RIMS2: variants seen among roughly 807,000 people sequenced by gnomAD.
RIMS2 encodes regulating synaptic membrane exocytosis 2.
Under a neutral mutation model 174.4 loss-of-function variants are expected in RIMS2, and 59 were observed. The ratio of observed to expected loss-of-function variants is 0.34; its 90% CI spans 0.27 to 0.42. The LOEUF (loss-of-function observed/expected upper bound fraction) is 0.42. Ranked by LOEUF, RIMS2 falls within the 10% of genes least tolerant of loss-of-function variation. RIMS2 has a pLI of 1.00. For missense variants in RIMS2, 1,620 were observed against 1,666.3 expected (o/e 0.97, Z 0.48); for synonymous variants, 606 against 572.5 (o/e 1.06, Z -0.84).
intron 3 of RIMS2, among the ~76,000 whole-genome samples, chr8:103,778,643 G>A (rs1225605628): frequency 2.8e-4 from 43 of 151,972 alleles, no homozygotes; most frequent in Admixed American, 2.8e-3. Flanking sequence ...CACATTATCT[G>A]TTTATCCATT....
intron 19 of RIMS2, among the ~76,000 whole-genome samples, chr8:104,076,290 A>T (rs948702748): frequency 1.3e-5 from 2 of 150,164 alleles, no homozygotes; most frequent in African/African-American, 5.0e-5. Flanking sequence ...GAAATCATTT[A>T]TGCCCATTTT....
chr8:103,568,679 T>A (rs77507894), intron 1 of RIMS2: 52,261 of 687,126 alleles, frequency 0.076, 2,284 homozygotes, highest in Non-Finnish European at 0.087. Context: ...ATAAACAATA[T>A]GTAGCAGCTT....
intron 19 of RIMS2, among the ~76,000 whole-genome samples, chr8:104,219,237 T>A (rs1222422572): frequency 6.6e-6 from 1 of 152,194 alleles, no homozygotes; most frequent in Non-Finnish European, 1.5e-5. Flanking sequence ...TTGTCGACAT[T>A]TATTTTGGAC....
In RIMS2 at chr8:104,016,141, A is replaced by T. The variant is rs2095896989; in HGVS notation, c.3334+1526A>T. Among the ~76,000 whole-genome samples the T allele has an allele frequency of 2.0e-5, 3 of 152,038 alleles. 1 individual carries two copies. Among genetic ancestry groups the T allele is most frequent in the Non-Finnish European group, 4.4e-5 (3 of 67,952 alleles). The stretch of plus-strand genomic sequence containing the variant: ...TGAAATTAACTTTGTATCTTTAAAA[A>T]CTTGTTGACTGTTTACTTATGAATC... On this transcript the variant is annotated intron_variant, in intron 19 of 23. Coordinates refer to ENST00000504942, the Ensembl canonical transcript of RIMS2.
chr8:104,189,358 T>C (rs1054299817), intron 19 of RIMS2, among the ~76,000 whole-genome samples: 2 of 151,806 alleles, frequency 1.3e-5, no homozygotes, highest in African/African-American at 2.4e-5. Context: ...ATTAGCCCTT[T>C]GTCATCAGAA....
At chr8:104,027,376 C>A (rs2096278048) in intron 19 of RIMS2, among the ~76,000 whole-genome samples, 1 of 152,036 alleles carries the variant, frequency 6.6e-6, no homozygotes, top group African/African-American at 2.4e-5. Context: ...CTTTTGTTTC[C>A]CTTTTCTCAT....
chr8:103,910,063 G>A (rs2075351587), intron 4 of RIMS2: 2 of 900,724 alleles, frequency 2.2e-6, no homozygotes, highest in East Asian at 2.4e-5. Flanking sequence ...AGTTTAAAAT[G>A]TTTATAATGT....
chr8:104,162,944 T>C (rs921215241), intron 19 of RIMS2, among the ~76,000 whole-genome samples: 1 of 152,220 alleles, frequency 6.6e-6, no homozygotes, highest in African/African-American at 2.4e-5. Context: ...AGCTGCTGAA[T>C]GCTATTTACT....
chr8:103,690,716 T>C (rs1196906761), intron 1 of RIMS2, among the ~76,000 whole-genome samples: 4 of 152,244 alleles, frequency 2.6e-5, no homozygotes, highest in Non-Finnish European at 5.9e-5. Flanking sequence ...TTAATCTTTC[T>C]ATTCAAGATA....
intron 3 of RIMS2, among the ~76,000 whole-genome samples, chr8:103,878,206 A>C (rs1038783711): frequency 8.6e-5 from 13 of 151,816 alleles, no homozygotes; most frequent in Non-Finnish European, 1.5e-4. Context: ...TGTGATTGTA[A>C]GTTTCCTGAG....
At chr8:104,232,512 A>G (rs2099236111) in intron 19 of RIMS2, among the ~76,000 whole-genome samples, 1 of 152,240 alleles carries the variant, frequency 6.6e-6, no homozygotes, top group Non-Finnish European at 1.5e-5. Flanking sequence ...TGGATAGGTC[A>G]TAGAATCTCT....
chr8:104,192,360 G>A (rs1370805627), intron 19 of RIMS2, among the ~76,000 whole-genome samples: 3 of 151,898 alleles, frequency 2.0e-5, no homozygotes, highest in Non-Finnish European at 2.9e-5. Flanking sequence ...AGCATTTGTG[G>A]CTAAGAAATT....
At chr8:104,036,394 G>A (rs1252687786) in intron 19 of RIMS2, among the ~76,000 whole-genome samples, 1 of 151,152 alleles carries the variant, frequency 6.6e-6, no homozygotes, top group Non-Finnish European at 1.5e-5. Flanking sequence ...CTCGTGATCC[G>A]CCTGCCTCGG....
chr8:103,853,736 G>A (rs1352083801), intron 3 of RIMS2, among the ~76,000 whole-genome samples: 3 of 152,006 alleles, frequency 2.0e-5, no homozygotes, highest in East Asian at 1.9e-4. Context: ...TGTTCCATTG[G>A]TCTATGTGTT....
At chr8:103,585,911 C>T (rs1391342583) in intron 1 of RIMS2, among the ~76,000 whole-genome samples, 1 of 142,550 alleles carries the variant, frequency 7.0e-6, no homozygotes, top group Non-Finnish European at 1.5e-5. Flanking sequence ...AAAATTGCAT[C>T]AATCATTAAA....
At chr8:103,623,326 G>C (rs1047462215) in intron 1 of RIMS2, among the ~76,000 whole-genome samples, 1 of 151,876 alleles carries the variant, frequency 6.6e-6, no homozygotes, top group Non-Finnish European at 1.5e-5. Flanking sequence ...TTAAAGTACA[G>C]AACACATTTT....
In RIMS2 at chr8:104,173,613, A is replaced by ATTTTTTTTTTTTT. The variant is rs71297262; in HGVS notation, c.3335-71282_3335-71270dup. 4.1e-4 allele frequency among the ~76,000 whole-genome samples: 22 copies of ATTTTTTTTTTTTT among 54,236 alleles called. 5 individuals are homozygous for ATTTTTTTTTTTTT. Among genetic ancestry groups the ATTTTTTTTTTTTT allele is most frequent in the Middle Eastern group, 0.059 (2 of 34 alleles). The allele number at this position is 54,236 out of a possible 152,430, so 35.6% of individuals were successfully genotyped here. ...AATATTTACTACCTTAGCTCTTCTG[A>ATTTTTTTTTTTTT]TTTTTTTTTTTTTTTTTTTTTTTTT... On this transcript the variant is annotated intron_variant, in intron 19 of 23. Transcript: ENST00000504942.
At chr8:103,551,085 C>T (rs944404941) in intron 1 of RIMS2, among the ~76,000 whole-genome samples, 13 of 152,148 alleles carry the variant, frequency 8.5e-5, no homozygotes, top group African/African-American at 2.7e-4. Context: ...GGACTCCTCC[C>T]GAACTCATTT....
At chr8:103,722,070 T>C (rs375084076) in intron 2 of RIMS2, among the ~76,000 whole-genome samples, 2 of 152,218 alleles carry the variant, frequency 1.3e-5, no homozygotes, top group East Asian at 1.9e-4. Flanking sequence ...TTATTAATAA[T>C]ATCATTGAAC....
Sources: gnomAD v4.1 joint callset for allele counts (sites outside exome capture counted in the v4.1 genomes callset) on GRCh38, gnomAD v4.1.1 for gene constraint, MANE v1.5 for transcripts, NCBI Gene and HGNC (gene_info 2026-07-23, HGNC 2026-07-21) for gene names.